GALNTL6: variants seen among roughly 807,000 people sequenced by gnomAD.
GALNTL6 encodes polypeptide N-acetylgalactosaminyltransferase-like 6.
In GALNTL6, 46 loss-of-function variants were observed where a neutral mutation model predicts 73.7. The ratio of observed to expected loss-of-function variants is 0.62; its 90% confidence interval spans 0.49 to 0.80. GALNTL6 has a LOEUF of 0.80. GALNTL6 is among the 30% of genes least tolerant of loss of function. The pLI, the probability that GALNTL6 is intolerant of heterozygous loss-of-function variation, is 0.00. For missense variants in GALNTL6, 604 were observed against 755.0 expected, an observed-to-expected ratio of 0.80 and a Z score of 2.34; for synonymous variants, 259 against 263.7, an observed-to-expected ratio of 0.98 and a Z score of 0.17.
intron 8 of GALNTL6, among the ~76,000 whole-genome samples, chr4:172,908,821 A>C (rs1475094053): frequency 1.3e-5 from 2 of 151,946 alleles, no homozygotes; most frequent in Non-Finnish European, 2.9e-5. Flanking sequence ...ACTTGAAAAA[A>C]ATAAAAATTT....
At chr4:173,019,918 C>T (rs969244003) in intron 11 of GALNTL6, among the ~76,000 whole-genome samples, 1 of 152,240 alleles carries the variant, frequency 6.6e-6, no homozygotes, top group African/African-American at 2.4e-5. Flanking sequence ...AACCTAACAG[C>T]TGAAATATAC....
Position 171,951,399 on chromosome 4 carries a change from T to G in GALNTL6, c.138+136681T>G, listed in dbSNP as rs370181337. On this transcript the variant is annotated intron_variant, in intron 2 of 12. Coordinates refer to ENST00000506823, the MANE Select transcript of GALNTL6 (RefSeq NM_001034845.3). ...ATGTACATGATAAAATGTTTTCAAT[T>G]ATGCTATATCACCTTTTACTTAACT... 6.6e-4 allele frequency among the ~76,000 whole-genome samples: 101 copies of G among 152,140 alleles called. 1 individual carries two copies. The East Asian group carries it at 0.017, about 25-fold the overall frequency.
At chr4:172,382,815 A>T (rs937796551) in intron 5 of GALNTL6, among the ~76,000 whole-genome samples, 1 of 151,916 alleles carries the variant, frequency 6.6e-6, no homozygotes, top group Non-Finnish European at 1.5e-5. Flanking sequence ...TTGCCTGAAG[A>T]ACTTTGAAAA....
At chr4:171,954,587 T>C (rs1417811587) in intron 2 of GALNTL6, among the ~76,000 whole-genome samples, 2 of 152,208 alleles carry the variant, frequency 1.3e-5, no homozygotes, top group Non-Finnish European at 2.9e-5. Flanking sequence ...ACATACATAT[T>C]TGTGAAACAA....
chr4:172,474,263 C>T (rs918939576), intron 5 of GALNTL6, among the ~76,000 whole-genome samples: 35 of 152,194 alleles, frequency 2.3e-4, no homozygotes, highest in Non-Finnish European at 4.3e-4. Flanking sequence ...GGACATCCTA[C>T]TGAACATTGC....
chr4:172,102,859 C>T (rs1216742294), intron 2 of GALNTL6, among the ~76,000 whole-genome samples: 1 of 151,998 alleles, frequency 6.6e-6, no homozygotes, highest in Non-Finnish European at 1.5e-5. Context: ...ACACAAGGCT[C>T]CTGCAGTTTA....
At chr4:172,769,507 A>G (rs1293932011) in intron 5 of GALNTL6, among the ~76,000 whole-genome samples, 5 of 152,184 alleles carry the variant, frequency 3.3e-5, no homozygotes, top group Non-Finnish European at 5.9e-5. Context: ...ATAAAGAAAC[A>G]TGAGAGGAAA....
intron 5 of GALNTL6, among the ~76,000 whole-genome samples, chr4:172,630,578 G>A (rs1333978557): frequency 6.6e-6 from 1 of 151,768 alleles, no homozygotes; most frequent in Non-Finnish European, 1.5e-5. Flanking sequence ...TTATCTCCAT[G>A]GCAATCTGTA....
chr4:172,804,607 G>A (rs1740846399), intron 5 of GALNTL6, among the ~76,000 whole-genome samples: 1 of 152,238 alleles, frequency 6.6e-6, no homozygotes, highest in Non-Finnish European at 1.5e-5. Flanking sequence ...ATGACCTTTA[G>A]TGAGTCTTCC....
At chr4:172,080,122 TAA>T (rs1731833140) in intron 2 of GALNTL6, among the ~76,000 whole-genome samples, 1 of 152,218 alleles carries the variant, frequency 6.6e-6, no homozygotes, top group Admixed American at 6.5e-5. Flanking sequence ...TTTCTCAAAT[TAA>T]GTTTCCCTTC....
intron 5 of GALNTL6, among the ~76,000 whole-genome samples, chr4:172,675,268 C>T (rs538840648): frequency 5.9e-5 from 9 of 152,324 alleles, no homozygotes; most frequent in African/African-American, 2.2e-4. Context: ...TCCTAGACTG[C>T]ATGCTCTAAC....
At chr4:171,815,928 T>G (rs1734513232) in intron 2 of GALNTL6, 1 of 152,178 alleles carries the variant, frequency 6.6e-6, no homozygotes, top group Admixed American at 6.5e-5. Context: ...TAGTGGATTG[T>G]TATTTCGAGG....
intron 8 of GALNTL6, among the ~76,000 whole-genome samples, chr4:172,908,691 C>G (rs908974590): frequency 6.7e-6 from 1 of 149,880 alleles, no homozygotes; most frequent in Non-Finnish European, 1.5e-5. Context: ...AAAGAAACCA[C>G]CCAAAGGATG....
At chr4:172,867,797 G>A (rs149021711) in intron 7 of GALNTL6, among the ~76,000 whole-genome samples, 1 of 152,078 alleles carries the variant, frequency 6.6e-6, no homozygotes, top group Admixed American at 6.6e-5. Context: ...CAGCTATAGG[G>A]AACAGGGAAC....
rs1326054668 is a variant in GALNTL6, at chr4:172,450,362, C to G, written c.553+101673C>G. On this transcript the variant is annotated intron_variant, in intron 5 of 12. Coordinates refer to ENST00000506823, the MANE Select transcript of GALNTL6 (RefSeq NM_001034845.3). ...TAATCCTTCATCTCATTCTTTTTTCCCCACTCTATGTGGTCTATCAACAAG... is the reference window on the plus strand; with the variant it reads ...TAATCCTTCATCTCATTCTTTTTTCGCCACTCTATGTGGTCTATCAACAAG... 3.3e-5 allele frequency among the ~76,000 whole-genome samples: 5 copies of G among 151,254 alleles called. No individual in the cohort carries two copies. The East Asian group carries it at 5.8e-4, about 18-fold the overall frequency.
intron 10 of GALNTL6, among the ~76,000 whole-genome samples, chr4:173,008,245 G>A (rs903100892): frequency 1.3e-5 from 2 of 152,148 alleles, no homozygotes; most frequent in Non-Finnish European, 2.9e-5. Flanking sequence ...GCCTCATATT[G>A]GATCTCTCTC....
At chr4:172,077,154 T>C (rs962335194) in intron 2 of GALNTL6, among the ~76,000 whole-genome samples, 10 of 152,118 alleles carry the variant, frequency 6.6e-5, no homozygotes, top group Admixed American at 2.0e-4. Context: ...TAGTTCTTTA[T>C]AGAGTGTGAA....
intron 2 of GALNTL6, among the ~76,000 whole-genome samples, chr4:171,979,003 G>A (rs1457786009): frequency 6.6e-6 from 1 of 152,006 alleles, no homozygotes; most frequent in Non-Finnish European, 1.5e-5. Context: ...TCCCTTTTAG[G>A]TTCAAGTCAA....
chr4:172,023,781 TA>T, intron 2 of GALNTL6, among the ~76,000 whole-genome samples: 1 of 152,026 alleles, frequency 6.6e-6, no homozygotes, highest in Admixed American at 6.6e-5. Context: ...TGTATAGTCC[TA>T]CCCTATCTCC....
Sources: allele counts gnomAD v4.1 joint callset (sites outside exome capture counted in the v4.1 genomes callset), GRCh38; gene constraint gnomAD v4.1.1; transcripts MANE v1.5; gene names NCBI Gene and HGNC (gene_info 2026-07-23, HGNC 2026-07-21).